The following GOLM1 variants were observed in gnomAD, a reference collection of about 807,000 sequenced individuals.
GOLM1 encodes the protein golgi membrane protein 1, also known as epididymis luminal protein 46.
A neutral mutation model predicts 50.5 loss-of-function variants in GOLM1; 31 were observed. The ratio of observed to expected loss-of-function variants is 0.61; its 90% confidence interval spans 0.46 to 0.83. The LOEUF (loss-of-function observed/expected upper bound fraction) is 0.83. Ranked by LOEUF, GOLM1 falls within the 40% of genes least tolerant of loss-of-function variation. GOLM1 has a pLI of 0.00. For missense variants in GOLM1, 491 were observed against 501.3 expected (o/e 0.98, Z 0.20); for synonymous variants, 178 against 192.8 (o/e 0.92, Z 0.64).
Position 86,046,555 on chromosome 9 carries a change from G to A in GOLM1, c.382C>T (p.Gln128Ter). 6.2e-7 allele frequency: 1 copy of A among 1,610,796 alleles called. No individual in the cohort carries two copies. The change falls in exon 5 of 10, where the codon CAG becomes TAG. Residue 128 changes from glutamine to a stop codon, truncating the protein, a stop_gained. Transcript: ENST00000388712. LOFTEE classifies it high-confidence loss of function. ...TGCTGCAGCCTGCCGTAATTCCTCT[G>A]CAGGGTCTTTAACTGGTCTACACCA... ...RVLQDQLKTL[Q>*]RNYGRLQQDV...
chr9:86,071,712 A>C (rs1834454143), intron 3 of GOLM1, among the ~76,000 whole-genome samples: 1 of 152,138 alleles, frequency 6.6e-6, no homozygotes, highest in South Asian at 2.1e-4. Context: ...TTCATAACGC[A>C]ACAGTTAACA....
At chr9:86,042,548 A>C (rs1833392155) in intron 5 of GOLM1, among the ~76,000 whole-genome samples, 1 of 152,194 alleles carries the variant, frequency 6.6e-6, no homozygotes, top group African/African-American at 2.4e-5. Context: ...CGAGTTCCTG[A>C]CCTTGAACAG....
chr9:86,072,780 T>C (rs1365246168), intron 3 of GOLM1, among the ~76,000 whole-genome samples: 2 of 152,228 alleles, frequency 1.3e-5, no homozygotes, highest in African/African-American at 2.4e-5. Flanking sequence ...AGAATGCACT[T>C]ATACAAACCT....
At chr9:86,084,806 T>G (rs1329033973) in intron 1 of GOLM1, 1 of 152,146 alleles carries the variant, frequency 6.6e-6, no homozygotes, top group Non-Finnish European at 1.5e-5. Flanking sequence ...TTCCAGCACT[T>G]TAGGAGGCTG....
chr9:86,064,427 C>G (rs1003991048), intron 3 of GOLM1, among the ~76,000 whole-genome samples: 2 of 152,170 alleles, frequency 1.3e-5, no homozygotes, highest in African/African-American at 4.8e-5. Flanking sequence ...CTCTTGGCTG[C>G]CTCCCAAATC....
rs200834026 is a variant in GOLM1 at position 86,035,033 on chromosome 9, G to A, written c.1015+335C>T. The A allele has an allele frequency of 2.5e-3, 2,424 of 985,270 alleles. 1 individual carries two copies. Among genetic ancestry groups the A allele is most frequent in the Non-Finnish European group, 2.8e-3 (2,327 of 829,880 alleles). 61.0% of individuals were successfully genotyped at this position (985,270 alleles called of 1,614,324 possible). On this transcript the variant is annotated intron_variant, in intron 8 of 9. Transcript: ENST00000388712. ...AAATGGCACCAGACACTGCACGACG[G>A]TGGACATACAAAAATGGGGCATGTG...
intron 3 of GOLM1, among the ~76,000 whole-genome samples, chr9:86,054,831 C>G (rs1276479635): frequency 6.6e-6 from 1 of 152,224 alleles, no homozygotes; most frequent in Admixed American, 6.5e-5. Flanking sequence ...TAAATGCCAT[C>G]TCACAGACAG....
At chr9:86,053,574 ACACACCACACACCACAC>A (rs1464760297) in intron 3 of GOLM1, among the ~76,000 whole-genome samples, 1 of 61,564 alleles carries the variant, frequency 1.6e-5, no homozygotes, top group Non-Finnish European at 3.1e-5. Context: ...CACACATCAC[ACACACCACACACCACAC>A]CACTCCACAC....
intron 4 of GOLM1, among the ~76,000 whole-genome samples, chr9:86,048,063 T>C (rs920419031): frequency 1.2e-4 from 14 of 116,732 alleles, no homozygotes; most frequent in Non-Finnish European, 2.2e-4. Context: ...CAGATGTTCC[T>C]TGCCCTGTGT....
At chr9:86,074,895 C>A (rs11141211) in intron 3 of GOLM1, among the ~76,000 whole-genome samples, 5,216 of 152,146 alleles carry the variant, frequency 0.034, 279 homozygotes, top group East Asian at 0.27. Flanking sequence ...AATTTGGTTT[C>A]ATGGTTTCAA....
chr9:86,036,495 T>C lies in GOLM1; in HGVS notation c.610A>G (p.Ser204Gly). 6.2e-7 allele frequency: 1 copy of C among 1,613,954 alleles called. No individual in the cohort carries two copies. The change falls in exon 7 of 10, where the codon AGT becomes GGT. Residue 204 changes from serine to glycine, a missense_variant. By Grantham distance (56) the Ser-to-Gly change is moderately conservative (BLOSUM62 0). Coordinates refer to ENST00000388712, the MANE Select transcript of GOLM1 (RefSeq NM_016548.4). ...NDQRQQLQAL[S>G]EPQPRLQAAG... ...GCCTGCAGCCTGGGCTGAGGCTCAC[T>C]GAGGGCTTGGAGCTGAAACAGAAGC...
intron 3 of GOLM1, among the ~76,000 whole-genome samples, chr9:86,073,761 TA>T (rs1453305793): frequency 6.6e-6 from 1 of 152,206 alleles, no homozygotes; most frequent in Non-Finnish European, 1.5e-5. Flanking sequence ...ATGTGACCAT[TA>T]TTTGGCTATT....
At chr9:86,064,376 C>G (rs1306440542) in intron 3 of GOLM1, among the ~76,000 whole-genome samples, 1 of 152,188 alleles carries the variant, frequency 6.6e-6, no homozygotes, top group African/African-American at 2.4e-5. Flanking sequence ...TTCACACTTT[C>G]CCGCACCTAT....
intron 3 of GOLM1, among the ~76,000 whole-genome samples, chr9:86,061,278 A>C (rs1345551720): frequency 6.6e-6 from 1 of 152,206 alleles, no homozygotes; most frequent in Non-Finnish European, 1.5e-5. Context: ...GAGGAAAAGA[A>C]AGGTGAATTA....
intron 3 of GOLM1, among the ~76,000 whole-genome samples, chr9:86,065,069 G>A (rs1236197544): frequency 6.6e-6 from 1 of 152,224 alleles, no homozygotes; most frequent in Non-Finnish European, 1.5e-5. Flanking sequence ...CTGGTCTCAC[G>A]CTCTACGCTG....
Position 86,034,973 on chromosome 9 carries a change from C to G in GOLM1, c.1015+395G>C, listed in dbSNP as rs201860051. The stretch of plus-strand genomic sequence containing the variant: ...TTCATCTACCCAATATTCCTTCCTT[C>G]CTTCCTTCATTCATTCACTAGGCAC... On this transcript the variant is annotated intron_variant, in intron 8 of 9. Transcript: ENST00000388712. 599 of 981,070 alleles carry G rather than the reference C, an allele frequency of 6.1e-4. 2 individuals are homozygous for G. The highest frequency in any genetic ancestry group is 4.4e-3 in the African/African-American group (251 of 57,248). The allele number at this position is 981,070 out of a possible 1,614,324, so 60.8% of individuals were successfully genotyped here. A position where few individuals can be genotyped will look rare whatever the true frequency, so the allele number is the denominator to read the frequency against.
In GOLM1 at chr9:86,026,462, G is replaced by GA. The variant is rs1202353148; in HGVS notation, c.*1354dup. 1 of 966,272 alleles carries GA rather than the reference G, an allele frequency of 1.0e-6. No homozygotes were observed. Among genetic ancestry groups the GA allele is most frequent in the Non-Finnish European group, 1.2e-6 (1 of 812,590 alleles). The allele number at this position is 966,272 out of a possible 1,614,324, so 59.9% of individuals were successfully genotyped here. On this transcript the variant is annotated 3_prime_UTR_variant, in exon 10 of 10. Coordinates refer to ENST00000388712, the MANE Select transcript of GOLM1 (RefSeq NM_016548.4). ...TGTGCCTGTAGTCCCAGCTACTCGG[G>GA]AGTCTGTGTGAGGCCAGGGGTGCCA...
chr9:86,053,856 ACAC>A (rs1251650265), intron 3 of GOLM1, among the ~76,000 whole-genome samples: 6 of 151,222 alleles, frequency 4.0e-5, no homozygotes, highest in African/African-American at 4.9e-5. Context: ...ACACCACTCT[ACAC>A]CACACCAGCT....
intron 6 of GOLM1, among the ~76,000 whole-genome samples, chr9:86,038,168 A>G (rs1833211515): frequency 6.6e-6 from 1 of 151,760 alleles, no homozygotes; most frequent in African/African-American, 2.4e-5. Flanking sequence ...AAGAAAAAAA[A>G]AAAAAAGAAA....
Sources: gnomAD v4.1 joint callset for allele counts (sites outside exome capture counted in the v4.1 genomes callset) on GRCh38, gnomAD v4.1.1 for gene constraint, MANE v1.5 for transcripts, NCBI Gene and HGNC (gene_info 2026-07-23, HGNC 2026-07-21) for gene names.